HFM1: variants seen among roughly 807,000 people sequenced by gnomAD.
HFM1 encodes helicase for meiosis 1, also known as probable ATP-dependent DNA helicase HFM1.
HFM1 carries 169 observed loss-of-function variants against 192.1 expected under a neutral mutation model. The ratio of observed to expected loss-of-function variants is 0.88; its 90% CI spans 0.78 to 1.00. The LOEUF is 1.00. Ranked by LOEUF, HFM1 falls within the 50% of genes least tolerant of loss-of-function variation. The probability of loss-of-function intolerance (pLI) is 0.00; values close to 1 mark genes in which losing one functional copy is unlikely to be tolerated. For missense variants in HFM1, 1,661 were observed against 1,668.0 expected, an observed-to-expected ratio of 1.00 and a Z score of 0.07; for synonymous variants, 525 against 537.8, an observed-to-expected ratio of 0.98 and a Z score of 0.33.
rs116602059 is a variant in HFM1, at chr1:91,357,581, A to G, written c.1686-4282T>C. Reference sequence around the variant, plus strand: ...TGCCCACTCTCACTGCTTCTATTCAACACAGTACTGGAAGTACTACCAAGA... The same window carrying G: ...TGCCCACTCTCACTGCTTCTATTCAGCACAGTACTGGAAGTACTACCAAGA... On this transcript the variant is annotated intron_variant, in intron 13 of 38. Coordinates refer to ENST00000370425, the MANE Select transcript of HFM1 (RefSeq NM_001017975.6). 5.9e-3 allele frequency among the ~76,000 whole-genome samples: 904 copies of G among 152,316 alleles called. 14 individuals are homozygous for G. Among genetic ancestry groups the G allele is most frequent in the African/African-American group, 0.021 (864 of 41,560 alleles).
intron 20 of HFM1, among the ~76,000 whole-genome samples, chr1:91,339,861 C>T (rs995560756): frequency 6.6e-5 from 10 of 152,022 alleles, no homozygotes; most frequent in African/African-American, 2.2e-4. Context: ...ATTACATTCT[C>T]CAAGATCAAT....
At chr1:91,291,013 G>A (rs1363048326) in intron 30 of HFM1, among the ~76,000 whole-genome samples, 2 of 152,008 alleles carry the variant, frequency 1.3e-5, no homozygotes, top group African/African-American at 2.4e-5. Context: ...CGAGAACGAA[G>A]ACACAACATA....
At chr1:91,312,680 A>C (rs1415657015) in intron 30 of HFM1, among the ~76,000 whole-genome samples, 1 of 152,158 alleles carries the variant, frequency 6.6e-6, no homozygotes, top group Admixed American at 6.5e-5. Context: ...GTTAATGCTG[A>C]AATGAGTTAA....
intron 34 of HFM1, among the ~76,000 whole-genome samples, chr1:91,269,232 T>C (rs78902974): frequency 0.017 from 2,635 of 152,200 alleles, 36 homozygotes; most frequent in Non-Finnish European, 0.028. Flanking sequence ...GACAGAACCC[T>C]ATAATATAGT....
chr1:91,334,919 ACT>A (rs1199043890), intron 20 of HFM1, among the ~76,000 whole-genome samples: 3 of 149,570 alleles, frequency 2.0e-5, no homozygotes, highest in Non-Finnish European at 3.0e-5. Flanking sequence ...ACAGAGCAAG[ACT>A]CTCTGTCTCA....
intron 13 of HFM1, among the ~76,000 whole-genome samples, chr1:91,370,855 G>A (rs906307818): frequency 3.3e-5 from 5 of 152,028 alleles, no homozygotes; most frequent in South Asian, 2.1e-4. Flanking sequence ...TGTTCCCAGC[G>A]CAAAATCTCC....
At chr1:91,367,419 A>G (rs986776386) in intron 13 of HFM1, among the ~76,000 whole-genome samples, 7 of 148,124 alleles carry the variant, frequency 4.7e-5, no homozygotes, top group Admixed American at 1.3e-4. Context: ...CCAGAGGAAC[A>G]ATCAGGCAGC....
chr1:91,353,935 A>C (rs565509976), intron 13 of HFM1, among the ~76,000 whole-genome samples: 4 of 151,220 alleles, frequency 2.6e-5, no homozygotes, highest in African/African-American at 9.6e-5. Flanking sequence ...AAAAAAAAAA[A>C]AACCAACCAA....
At chr1:91,347,394 A>G (rs934174845) in intron 19 of HFM1, 35 bp downstream of exon 19, 1 of 1,268,208 alleles carries the variant, frequency 7.9e-7, no homozygotes, top group African/African-American at 1.5e-5. Context: ...ACTAAAATAT[A>G]TAGAATCTAA....
chr1:91,283,018 G>C (rs1240845767), intron 30 of HFM1, among the ~76,000 whole-genome samples: 1 of 152,244 alleles, frequency 6.6e-6, no homozygotes, highest in Middle Eastern at 3.4e-3. Context: ...AATGAGGACT[G>C]TATGCAAGTT....
At chr1:91,304,405 G>T (rs1294266675) in intron 30 of HFM1, among the ~76,000 whole-genome samples, 2 of 151,998 alleles carry the variant, frequency 1.3e-5, no homozygotes, top group Non-Finnish European at 2.9e-5. Context: ...CTGTTGCCTT[G>T]TACAAGGTAA....
chr1:91,385,339 C>G (rs887885719), intron 5 of HFM1, 105 bp from the exon 6 acceptor site: 34 of 806,884 alleles, frequency 4.2e-5, no homozygotes, highest in Non-Finnish European at 3.4e-5. Context: ...AAAACTGTTT[C>G]AATAAAACTA....
chr1:91,327,963 A>G (rs1009371533), intron 20 of HFM1, among the ~76,000 whole-genome samples: 11 of 152,198 alleles, frequency 7.2e-5, no homozygotes, highest in Non-Finnish European at 1.3e-4. Flanking sequence ...GGGATACAGC[A>G]AAAGTAGTAT....
intron 20 of HFM1, among the ~76,000 whole-genome samples, chr1:91,325,402 G>A (rs1466380119): frequency 1.3e-5 from 2 of 152,184 alleles, no homozygotes; most frequent in Non-Finnish European, 2.9e-5. Context: ...CACAGTCCCA[G>A]CCCACAGGAG....
At position 91,394,397 on chromosome 1, in the gene HFM1, C is replaced by T. The variant is rs772181134; in HGVS notation, c.190G>A (p.Glu64Lys). 48 of 1,474,168 alleles carry T rather than the reference C, an allele frequency of 3.3e-5. No homozygotes were observed. The East Asian group carries it at 1.1e-3, about 33-fold the overall frequency. 91.3% of individuals were successfully genotyped at this position (1,474,168 alleles called of 1,614,324 possible). A position where few individuals can be genotyped will look rare whatever the true frequency, so the allele number is the denominator to read the frequency against. ...ELESHKLLGQEKRPKMLTSNL... is the reference protein window; with the variant it reads ...ELESHKLLGQKKRPKMLTSNL... ...GATGTTAACATTTTTGGCCTCTTTT[C>T]CTGACCTACAAAAAAGGAATATCTT... Residue 64 changes from glutamate to lysine, a missense_variant, in exon 4 of 39, where the codon GAA (glutamate) becomes AAA (lysine). Glu to Lys is a moderately conservative substitution (Grantham distance 56, BLOSUM62 1). Transcript: ENST00000370425.
intron 34 of HFM1, among the ~76,000 whole-genome samples, chr1:91,272,269 G>A (rs1416491267): frequency 1.3e-5 from 2 of 151,934 alleles, no homozygotes; most frequent in African/African-American, 2.4e-5. Flanking sequence ...TAGACAAAGT[G>A]GTTAAGTAGA....
At chr1:91,310,866 C>CAGCT (rs1650344900) in intron 30 of HFM1, among the ~76,000 whole-genome samples, 1 of 152,182 alleles carries the variant, frequency 6.6e-6, no homozygotes, top group African/African-American at 2.4e-5. Context: ...TTCCCAGTAT[C>CAGCT]AGCTATGTCT....
At chr1:91,329,231 A>G in intron 20 of HFM1, 1 of 1,609,630 alleles carries the variant, frequency 6.2e-7, no homozygotes, top group East Asian at 2.2e-5. Context: ...TCTTCTTGGA[A>G]CCTGAGGTGC....
chr1:91,367,282 G>C (rs1346961199), intron 13 of HFM1, among the ~76,000 whole-genome samples: 1 of 152,200 alleles, frequency 6.6e-6, no homozygotes, highest in African/African-American at 2.4e-5. Flanking sequence ...CACGCAGCTT[G>C]AGATCTGAGA....
Sources: allele counts gnomAD v4.1 joint callset (sites outside exome capture counted in the v4.1 genomes callset), GRCh38; gene constraint gnomAD v4.1.1; transcripts MANE v1.5; gene names NCBI Gene and HGNC (gene_info 2026-07-23, HGNC 2026-07-21).